The following TRMT11 variants were observed in gnomAD, a reference collection of about 807,000 sequenced individuals.
TRMT11 encodes tRNA (guanine(10)-N(2))-methyltransferase TRMT11.
Under a neutral mutation model 62.8 loss-of-function variants are expected in TRMT11, and 53 were observed. The observed-to-expected ratio is 0.84, with a 90% confidence interval of 0.68 to 1.06. The LOEUF is 1.06. TRMT11 is among the 50% of genes least tolerant of loss of function. The pLI is 0.00. For missense variants in TRMT11, 556 were observed against 553.4 expected, an observed-to-expected ratio of 1.00 and a Z score of -0.05; for synonymous variants, 188 against 190.3, an observed-to-expected ratio of 0.99 and a Z score of 0.10.
intron 12 of TRMT11, among the ~76,000 whole-genome samples, chr6:126,026,099 A>AT (rs1773022878): frequency 6.6e-6 from 1 of 152,202 alleles, no homozygotes; most frequent in South Asian, 2.1e-4. Flanking sequence ...TTGTTGATAT[A>AT]TTCTGAAAGC....
chr6:126,104,320 G>A (rs547379865), intron 17 of TRMT11, among the ~76,000 whole-genome samples: 1 of 152,324 alleles, frequency 6.6e-6, no homozygotes, highest in Admixed American at 6.5e-5. Context: ...CAAGAAACTG[G>A]GTGTACTAGG....
At chr6:126,072,979 A>C (rs1215370986) in intron 17 of TRMT11, among the ~76,000 whole-genome samples, 1 of 152,182 alleles carries the variant, frequency 6.6e-6, no homozygotes, top group Non-Finnish European at 1.5e-5. Flanking sequence ...TTAGGATTTC[A>C]ACAGAGTTGG....
intron 17 of TRMT11, among the ~76,000 whole-genome samples, chr6:126,069,934 T>C (rs1056083026): frequency 1.3e-5 from 2 of 152,024 alleles, no homozygotes; most frequent in Admixed American, 1.3e-4. Context: ...ACCCTTACTT[T>C]TGAAGAGTCA....
the TRMT11 span, among the ~76,000 whole-genome samples, chr6:126,244,736 C>T: frequency 6.6e-6 from 1 of 152,158 alleles, no homozygotes; most frequent in Non-Finnish European, 1.5e-5. Flanking sequence ...TTTTCAACAT[C>T]CTACTCCATA....
intron 1 of TRMT11, among the ~76,000 whole-genome samples, chr6:126,186,406 T>G (rs1237454254): frequency 6.6e-5 from 10 of 152,152 alleles, no homozygotes; most frequent in Admixed American, 5.9e-4. Flanking sequence ...AACAACCAAA[T>G]AGTTTAATTA....
At position 126,193,490 on chromosome 6, in the gene TRMT11, A is replaced by ATTTTTTTTT. The variant is rs60064329; in HGVS notation, n.144-5293_144-5285dup. Among the ~76,000 whole-genome samples the ATTTTTTTTT allele has an allele frequency of 5.6e-4, 41 of 73,284 alleles. 1 individual carries two copies. Among genetic ancestry groups the ATTTTTTTTT allele is most frequent in the African/African-American group, 1.9e-3 (34 of 17,922 alleles). The allele number at this position is 73,284 out of a possible 152,430, so 48.1% of individuals were successfully genotyped here. A position where few individuals can be genotyped will look rare whatever the true frequency, so the allele number is the denominator to read the frequency against. ...GGTTATTTAAGAGGAGCGTTTCTGT[A>ATTTTTTTTT]TTTTTTTTTTTTTTTTTTTTTTTTG... On this transcript the variant is annotated intron_variant and non_coding_transcript_variant, in intron 1 of 3. Coordinates refer to the TRMT11 transcript ENST00000444229.
chr6:126,106,620 AT>A (rs1562324252), intron 17 of TRMT11, among the ~76,000 whole-genome samples: 1 of 152,160 alleles, frequency 6.6e-6, no homozygotes, highest in East Asian at 1.9e-4. Context: ...CCTCTATAAC[AT>A]AAGCTCTGTG....
intron 16 of TRMT11, among the ~76,000 whole-genome samples, chr6:126,045,261 C>A (rs1238870851): frequency 6.6e-6 from 1 of 151,862 alleles, no homozygotes; most frequent in East Asian, 1.9e-4. Context: ...TTGTATGTGA[C>A]CTAGGAGTAT....
intron 3 of TRMT11, among the ~76,000 whole-genome samples, chr6:125,997,296 AAGATAGACTTTTATAAAAGCAT>A (rs1391693310): frequency 6.6e-6 from 1 of 152,250 alleles, no homozygotes; most frequent in African/African-American, 2.4e-5. Flanking sequence ...TATCAGAATG[AAGATAGACTTTTATAAAAGCAT>A]AGATTCAAAA....
chr6:126,080,338 T>C (rs145088320), intron 17 of TRMT11, among the ~76,000 whole-genome samples: 1 of 152,184 alleles, frequency 6.6e-6, no homozygotes, highest in East Asian at 1.9e-4. Context: ...TTCAAACTTC[T>C]GGCCTCTCAA....
At chr6:125,993,279 G>C (rs1790924496) in intron 1 of TRMT11, among the ~76,000 whole-genome samples, 1 of 152,168 alleles carries the variant, frequency 6.6e-6, no homozygotes, top group Non-Finnish European at 1.5e-5. Flanking sequence ...TGCTTTTAAA[G>C]TATCTATTAT....
chr6:126,262,977 G>A, the TRMT11 span, among the ~76,000 whole-genome samples: 2 of 151,912 alleles, frequency 1.3e-5, no homozygotes, highest in South Asian at 2.1e-4. Flanking sequence ...GAGGTGTCAG[G>A]TAACTCTAAC....
chr6:126,233,372 A>G, the TRMT11 span, among the ~76,000 whole-genome samples: 1 of 152,114 alleles, frequency 6.6e-6, no homozygotes, highest in Non-Finnish European at 1.5e-5. Flanking sequence ...GGCTCTTTCT[A>G]TCTTGTTGTT....
chr6:126,119,524 G>A (rs1297529539), intron 21 of TRMT11, among the ~76,000 whole-genome samples: 1 of 151,580 alleles, frequency 6.6e-6, no homozygotes, highest in Non-Finnish European at 1.5e-5. Context: ...ACTGGTGGCT[G>A]TTGGGGAAAG....
Position 126,135,234 on chromosome 6 carries a change from A to C in TRMT11, c.*1823+19379A>C, listed in dbSNP as rs1165478350. ...TTTGAAAAAATAAACAAATGGACAA[A>C]CCTTTAGCTAGATCAACTAAGAAAA... On this transcript the variant is annotated intron_variant and NMD_transcript_variant, in intron 21 of 22. Coordinates refer to the TRMT11 transcript ENST00000648977. Among the ~76,000 whole-genome samples, 3 of 151,824 alleles carry C rather than the reference A, an allele frequency of 2.0e-5. 1 individual carries two copies. In the South Asian group the frequency reaches 6.2e-4, roughly 31 times the overall value.
intron 21 of TRMT11, among the ~76,000 whole-genome samples, chr6:126,131,338 C>A (rs1777779495): frequency 6.6e-6 from 1 of 152,018 alleles, no homozygotes; most frequent in African/African-American, 2.4e-5. Flanking sequence ...GATAACTGAT[C>A]TGGGGCTTAG....
In TRMT11 at chr6:126,068,023, C is replaced by T. The variant is rs1039203882; in HGVS notation, c.*1437+14833C>T. The stretch of plus-strand genomic sequence containing the variant: ...TATCCACAGAATTGTGTAATCATCA[C>T]TTACTGCTTATAATTTTTATTTTTC... On this transcript the variant is annotated intron_variant and NMD_transcript_variant, in intron 17 of 22. Coordinates refer to the TRMT11 transcript ENST00000648977. Among the ~76,000 whole-genome samples the T allele has an allele frequency of 3.3e-5, 5 of 152,258 alleles. No individual in the cohort carries two copies. In the East Asian group the frequency reaches 9.7e-4, roughly 29 times the overall value.
At chr6:126,127,924 C>T (rs889210621) in intron 21 of TRMT11, among the ~76,000 whole-genome samples, 1 of 152,036 alleles carries the variant, frequency 6.6e-6, no homozygotes, top group Non-Finnish European at 1.5e-5. Context: ...AGATTTCCCT[C>T]TATCCTGGGA....
At chr6:126,152,212 C>T (rs901475130) in intron 21 of TRMT11, among the ~76,000 whole-genome samples, 9 of 149,824 alleles carry the variant, frequency 6.0e-5, no homozygotes, top group African/African-American at 1.2e-4. Context: ...TCCTGAAATG[C>T]AGATTAGGTT....
Sources: gnomAD v4.1 joint callset for allele counts (sites outside exome capture counted in the v4.1 genomes callset) on GRCh38, gnomAD v4.1.1 for gene constraint, MANE v1.5 for transcripts, NCBI Gene and HGNC (gene_info 2026-07-23, HGNC 2026-07-21) for gene names.